FASTKD1: variants seen among roughly 807,000 people sequenced by gnomAD.
The protein encoded by FASTKD1 is FAST kinase domain-containing protein 1, mitochondrial.
A neutral mutation model predicts 90.9 loss-of-function variants in FASTKD1; 94 were observed. The ratio of observed to expected loss-of-function variants is 1.03; its 90% CI spans 0.88 to 1.23. The LOEUF is 1.23. Among genes scored for constraint, FASTKD1 ranks in the 50% most tolerant of loss-of-function variants. The pLI, the probability that FASTKD1 is intolerant of heterozygous loss-of-function variation, is 0.00. For missense variants in FASTKD1, 945 were observed against 993.5 expected (o/e 0.95, Z 0.66); for synonymous variants, 319 against 345.8 (o/e 0.92, Z 0.86).
intron 6 of FASTKD1, among the ~76,000 whole-genome samples, chr2:169,556,856 A>AAAATTAGCT (rs1182316187): frequency 1.2e-5 from 1 of 83,570 alleles, no homozygotes; most frequent in African/African-American, 3.7e-5. Flanking sequence ...AACAAACAAA[A>AAAATTAGCT]TTAGCTGGGG....
intron 3 of FASTKD1, among the ~76,000 whole-genome samples, chr2:169,568,355 T>C (rs189923181): frequency 6.6e-5 from 10 of 152,270 alleles, no homozygotes; most frequent in African/African-American, 2.4e-4. Flanking sequence ...TGAAGTATTC[T>C]TCTAGAAAAG....
chr2:169,547,884 C>CAAAAAAAAAAAAAAAAAAAAAAAAAAAA (rs1158292826), intron 7 of FASTKD1, among the ~76,000 whole-genome samples: 2 of 21,348 alleles, frequency 9.4e-5, no homozygotes, highest in Admixed American at 6.5e-4. Context: ...GACTCCATCT[C>CAAAAAAAAAAAAAAAAAAAAAAAAAAAA]AAAAAAAAAA....
At chr2:169,554,496 T>TCA (rs1553537793) in intron 7 of FASTKD1, among the ~76,000 whole-genome samples, 2 of 145,600 alleles carry the variant, frequency 1.4e-5, no homozygotes, top group Non-Finnish European at 3.1e-5. Flanking sequence ...AAATCCCATC[T>TCA]CTACTAAAAT....
At chr2:169,537,074 C>T (rs1238130121) in intron 12 of FASTKD1, 153 bp downstream of exon 12, 2 of 401,996 alleles carry the variant, frequency 5.0e-6, no homozygotes, top group Non-Finnish European at 9.0e-6. Context: ...AGGATTTATT[C>T]TATTGCTCTT....
intron 9 of FASTKD1, among the ~76,000 whole-genome samples, chr2:169,542,913 T>G (rs1440017410): frequency 1.3e-5 from 2 of 152,174 alleles, no homozygotes; most frequent in African/African-American, 4.8e-5. Context: ...CCTCCAGATG[T>G]GATCTAAATA....
chr2:169,531,287 T>G, intron 13 of FASTKD1, 65 bp downstream of exon 13: 5 of 1,500,520 alleles, frequency 3.3e-6, no homozygotes, highest in Non-Finnish European at 4.6e-6. Context: ...ATCACTGACT[T>G]CAGTATAGTA....
At chr2:169,559,651 C>G (rs1441515970) in intron 5 of FASTKD1, among the ~76,000 whole-genome samples, 3 of 152,138 alleles carry the variant, frequency 2.0e-5, no homozygotes, top group Non-Finnish European at 4.4e-5. Flanking sequence ...TTCCTGGGAT[C>G]CAGGGATCCA....
chr2:169,565,348 C>T (rs1444981109), intron 3 of FASTKD1, among the ~76,000 whole-genome samples: 1 of 147,372 alleles, frequency 6.8e-6, no homozygotes, highest in Non-Finnish European at 1.5e-5. Flanking sequence ...CTGTAAGCTC[C>T]GCCTCCCGAG....
intron 5 of FASTKD1, among the ~76,000 whole-genome samples, chr2:169,560,071 G>T (rs1683507825): frequency 6.6e-6 from 1 of 152,160 alleles, no homozygotes; most frequent in East Asian, 1.9e-4. Flanking sequence ...TACACTGGGT[G>T]GGGGAGTCTT....
In FASTKD1 at chr2:169,572,064, T is replaced by G. The variant is rs1684260905; in HGVS notation, c.-35A>C. Reference sequence around the variant, plus strand: ...AAGTTTTCTTAGGTAAACAAAACCATCTGCAACTAGTCGTCAGGTGCAATA... The same window carrying G: ...AAGTTTTCTTAGGTAAACAAAACCAGCTGCAACTAGTCGTCAGGTGCAATA... On this transcript the variant is annotated 5_prime_UTR_variant, in exon 2 of 15. The change abolishes an upstream ATG in the 5' untranslated region. Transcript: ENST00000453153. 6.5e-7 allele frequency: 1 copy of G among 1,535,728 alleles called. No individual in the cohort carries two copies. The highest frequency in any genetic ancestry group is 8.7e-7 in the Non-Finnish European group (1 of 1,144,858).
intron 3 of FASTKD1, among the ~76,000 whole-genome samples, chr2:169,567,658 A>T (rs906580440): frequency 3.3e-5 from 5 of 152,204 alleles, no homozygotes; most frequent in African/African-American, 1.2e-4. Context: ...AATATGTTAA[A>T]AATATTTTAA....
rs557542036 is a variant in FASTKD1 at position 169,528,650 on chromosome 2, A to G, written c.*1175T>C. Among the ~76,000 whole-genome samples the G allele has an allele frequency of 1.2e-4, 19 of 152,234 alleles. No homozygotes were observed. The South Asian group carries it at 3.7e-3, about 30-fold the overall frequency. On this transcript the variant is annotated 3_prime_UTR_variant, in exon 15 of 15. Coordinates refer to ENST00000453153, the MANE Select transcript of FASTKD1 (RefSeq NM_024622.6). ...TTTGCTTCCATTTAGGAGAAAATGT[A>G]TCTCCTCCCATTTTCTCTTGAACCA... is the stretch of plus-strand genomic sequence containing the variant.
At chr2:169,560,824 T>A in intron 4 of FASTKD1, 39 bp from the exon 5 acceptor site, 1 of 939,210 alleles carries the variant, frequency 1.1e-6, no homozygotes, top group Non-Finnish European at 1.5e-6. Flanking sequence ...TTACATCAAT[T>A]AAGAATGATC....
chr2:169,546,308 C>T lies in FASTKD1; in HGVS notation c.1611G>A (p.Gly537=). Residue 537 remains glycine, a synonymous_variant, in exon 8 of 15, where the codon GGG becomes GGA. Coordinates refer to ENST00000453153, the MANE Select transcript of FASTKD1 (RefSeq NM_024622.6). ...FMDDINYINV[G]EIASFISSTD... ...TACTAGAAATAAAAGATGCAATCTC[C>T]CCAACATTTATGTAATTAATATCAT... The T allele has an allele frequency of 1.2e-6, 2 of 1,613,738 alleles. No individual in the cohort carries two copies. The highest frequency in any genetic ancestry group is 1.7e-6 in the Non-Finnish European group (2 of 1,179,904).
chr2:169,546,740 C>A (rs1366094147), intron 7 of FASTKD1, 36 bp from the exon 8 acceptor site: 2 of 1,557,360 alleles, frequency 1.3e-6, no homozygotes, highest in African/African-American at 2.7e-5. Context: ...ACATCAGCAA[C>A]AAACCCAAAA....
At position 169,557,236 on chromosome 2, in the gene FASTKD1, A is replaced by G. The variant is rs755260484; in HGVS notation, c.1033T>C (p.Leu345=). The change falls in exon 6 of 15, where the codon TTG becomes CTG. Residue 345 remains leucine, a synonymous_variant. Transcript: ENST00000453153. ...DLTGEQALAV[L]GAMGDMESRN... is the part of the protein sequence containing the mutation. Reference sequence around the variant, plus strand: ...CTTTCCATATCTCCCATTGCTCCCAACACTGCCAGGGCTTGCTCGCCAGTT... The same window carrying G: ...CTTTCCATATCTCCCATTGCTCCCAGCACTGCCAGGGCTTGCTCGCCAGTT... The G allele has an allele frequency of 6.2e-7, 1 of 1,613,142 alleles. No individual in the cohort carries two copies. Among genetic ancestry groups the G allele is most frequent in the Non-Finnish European group, 8.5e-7 (1 of 1,179,490 alleles).
At chr2:169,531,070 G>T (rs757202488) in intron 13 of FASTKD1, 4 of 689,186 alleles carry the variant, frequency 5.8e-6, no homozygotes, top group Non-Finnish European at 1.1e-5. Context: ...TAAGTGCTAT[G>T]AGAAAAGTAG....
At chr2:169,534,450 GTTTTTTTTTTTTCTT>G (rs1684632990) in intron 12 of FASTKD1, among the ~76,000 whole-genome samples, 1 of 124,974 alleles carries the variant, frequency 8.0e-6, no homozygotes, top group Non-Finnish European at 1.7e-5. Flanking sequence ...AATTTCTGTT[GTTTTTTTTTTTTCTT>G]TTTTTTTTTT....
chr2:169,530,158 T>C (rs1484302877), intron 14 of FASTKD1, among the ~76,000 whole-genome samples: 2 of 152,210 alleles, frequency 1.3e-5, no homozygotes, highest in Non-Finnish European at 2.9e-5. Context: ...GATGGACATT[T>C]TTTCCTACAT....
Sources: gnomAD v4.1 joint callset for allele counts (sites outside exome capture counted in the v4.1 genomes callset) on GRCh38, gnomAD v4.1.1 for gene constraint, MANE v1.5 for transcripts, NCBI Gene and HGNC (gene_info 2026-07-23, HGNC 2026-07-21) for gene names.